The following PCSK5 variants were observed in gnomAD, a reference collection of about 807,000 sequenced individuals.
PCSK5 encodes proprotein convertase subtilisin/kexin type 5.
In PCSK5, 129 loss-of-function variants were observed where a neutral mutation model predicts 233.2. The ratio of observed to expected loss-of-function variants is 0.55; its 90% CI spans 0.48 to 0.64. The LOEUF (loss-of-function observed/expected upper bound fraction) is 0.64. Ranked by LOEUF, PCSK5 falls within the 30% of genes least tolerant of loss-of-function variation. The pLI is 0.00. For synonymous variants in PCSK5, 825 were observed against 879.2 expected (o/e 0.94, Z 1.09); for missense variants, 2,076 against 2,430.1 (o/e 0.85, Z 3.06).
intron 3 of PCSK5, among the ~76,000 whole-genome samples, chr9:76,004,490 G>A (rs1827395890): frequency 1.3e-5 from 2 of 152,230 alleles, no homozygotes; most frequent in South Asian, 4.2e-4. Context: ...ATGATATTTT[G>A]TAGCACGTGC....
intron 10 of PCSK5, among the ~76,000 whole-genome samples, chr9:76,138,467 G>A (rs1426912751): frequency 3.3e-5 from 5 of 151,926 alleles, no homozygotes; most frequent in Admixed American, 3.3e-4. Flanking sequence ...CATAACCTAC[G>A]GCTTGTATCA....
At chr9:75,993,841 A>G (rs922425145) in intron 3 of PCSK5, among the ~76,000 whole-genome samples, 2 of 152,234 alleles carry the variant, frequency 1.3e-5, no homozygotes, top group East Asian at 1.9e-4. Context: ...GTGAAATGTT[A>G]TCTACCAGGG....
At chr9:76,132,231 C>T (rs79945880) in intron 9 of PCSK5, among the ~76,000 whole-genome samples, 2,303 of 152,172 alleles carry the variant, frequency 0.015, 26 homozygotes, top group Non-Finnish European at 0.023. Flanking sequence ...TCAGCAAAGG[C>T]TCAAATCATG....
intron 24 of PCSK5, among the ~76,000 whole-genome samples, chr9:76,279,542 G>A (rs929316851): frequency 1.3e-5 from 2 of 152,000 alleles, no homozygotes; most frequent in African/African-American, 2.4e-5. Flanking sequence ...GTGTAAAAAT[G>A]TTCCTGTTTC....
At chr9:76,327,968 G>C (rs764135344) in intron 32 of PCSK5, 41 bp from the exon 33 acceptor site, 24 of 1,309,254 alleles carry the variant, frequency 1.8e-5, no homozygotes, top group Non-Finnish European at 2.7e-5. Context: ...GGGCCACCCT[G>C]GCTCTCGCTC....
chr9:76,110,632 G>A (rs1428479697), intron 9 of PCSK5, among the ~76,000 whole-genome samples: 1 of 151,732 alleles, frequency 6.6e-6, no homozygotes. Flanking sequence ...GGAGTTCAAG[G>A]CTGCAGTGAG....
chr9:76,034,538 T>G (rs1480474080), intron 5 of PCSK5, among the ~76,000 whole-genome samples: 1 of 152,106 alleles, frequency 6.6e-6, no homozygotes, highest in African/African-American at 2.4e-5. Context: ...CGTCAGGATT[T>G]GTGTCATTCC....
chr9:76,145,374 A>G (rs1823403258), intron 10 of PCSK5, among the ~76,000 whole-genome samples: 1 of 152,114 alleles, frequency 6.6e-6, no homozygotes, highest in Non-Finnish European at 1.5e-5. Context: ...GCTTGTAAAC[A>G]TTGGCATATG....
intron 9 of PCSK5, among the ~76,000 whole-genome samples, chr9:76,128,385 G>A (rs764324698): frequency 3.3e-5 from 5 of 152,170 alleles, no homozygotes; most frequent in African/African-American, 7.2e-5. Flanking sequence ...TCATAATTGC[G>A]ATTTGATTTC....
chr9:76,100,410 T>C (rs187998740), intron 8 of PCSK5, among the ~76,000 whole-genome samples: 180 of 152,390 alleles, frequency 1.2e-3, no homozygotes, highest in African/African-American at 4.2e-3. Flanking sequence ...GCTATGCACA[T>C]CAAATGCAAC....
At chr9:76,222,810 C>G (rs1218922193) in intron 20 of PCSK5, among the ~76,000 whole-genome samples, 1 of 152,054 alleles carries the variant, frequency 6.6e-6, no homozygotes, top group Non-Finnish European at 1.5e-5. Flanking sequence ...TTCATTAGTA[C>G]ATAAGTAGCT....
At chr9:76,154,004 T>A (rs567496280) in intron 10 of PCSK5, among the ~76,000 whole-genome samples, 1 of 152,276 alleles carries the variant, frequency 6.6e-6, no homozygotes, top group East Asian at 1.9e-4. Context: ...AAATTGTATA[T>A]AAAAAATTGT....
Position 76,189,682 on chromosome 9 carries a change from A to G in PCSK5, c.2562A>G (p.Thr854=), listed in dbSNP as rs757935315. ...TCNGPGFKNC[T]SCPSGYLLDL... ...ATGGCCCAGGATTCAAGAACTGTAC[A>G]AGCTGCCCTAGTGGGTATCTCTTAG... The change falls in exon 20 of 38, where the codon ACA becomes ACG. Residue 854 remains threonine, a synonymous_variant. Transcript: ENST00000674117. The G allele has an allele frequency of 5.0e-6, 8 of 1,613,348 alleles. No individual in the cohort carries two copies. The highest frequency in any genetic ancestry group is 1.6e-4 in the Middle Eastern group (1 of 6,080).
chr9:75,935,113 G>A (rs1156569112), intron 2 of PCSK5, among the ~76,000 whole-genome samples: 1 of 151,968 alleles, frequency 6.6e-6, no homozygotes, highest in Non-Finnish European at 1.5e-5. Flanking sequence ...TGTCACCCAG[G>A]CTGGAATGCA....
At chr9:75,934,536 TGGG>T (rs1823961187) in intron 2 of PCSK5, among the ~76,000 whole-genome samples, 1 of 151,566 alleles carries the variant, frequency 6.6e-6, no homozygotes, top group African/African-American at 2.4e-5. Context: ...TGTTGGGGGT[TGGG>T]GGAGCAAAGG....
At chr9:75,928,782 G>C (rs1397677591) in intron 1 of PCSK5, among the ~76,000 whole-genome samples, 2 of 151,402 alleles carry the variant, frequency 1.3e-5, no homozygotes, top group African/African-American at 2.4e-5. Context: ...TCAGAACCTT[G>C]GAAGAGTTGG....
intron 35 of PCSK5, among the ~76,000 whole-genome samples, chr9:76,342,706 C>A (rs1391853020): frequency 6.6e-6 from 1 of 152,198 alleles, no homozygotes; most frequent in Non-Finnish European, 1.5e-5. Context: ...TTCCATACAT[C>A]CAGTTGCTGA....
At chr9:76,167,739 T>C (rs1007148046) in intron 12 of PCSK5, among the ~76,000 whole-genome samples, 9 of 152,192 alleles carry the variant, frequency 5.9e-5, no homozygotes, top group African/African-American at 2.2e-4. Flanking sequence ...TGGGAAGAGG[T>C]ACAGAGAAGG....
chr9:75,895,946 A>G (rs1016000571), intron 1 of PCSK5, among the ~76,000 whole-genome samples: 1 of 152,138 alleles, frequency 6.6e-6, no homozygotes, highest in Non-Finnish European at 1.5e-5. Context: ...ATAGTCCTGG[A>G]AATAGGGGAT....
Sources: gnomAD v4.1 joint callset for allele counts (sites outside exome capture counted in the v4.1 genomes callset) on GRCh38, gnomAD v4.1.1 for gene constraint, MANE v1.5 for transcripts, NCBI Gene and HGNC (gene_info 2026-07-23, HGNC 2026-07-21) for gene names.